The following SUPT3H variants were observed in gnomAD, a reference collection of about 807,000 sequenced individuals.
SUPT3H encodes the protein SPT3 homolog, SAGA and STAGA complex component, also known as transcription initiation protein SPT3 homolog.
Under a neutral mutation model 44.3 loss-of-function variants are expected in SUPT3H, and 44 were observed. The observed-to-expected ratio is 0.99, with a 90% confidence interval of 0.78 to 1.28. The LOEUF is 1.28. Among genes scored for constraint, SUPT3H ranks in the 50% most tolerant of loss-of-function variants. SUPT3H has a pLI of 0.00. For missense variants in SUPT3H, 380 were observed against 387.1 expected (o/e 0.98, Z 0.15); for synonymous variants, 124 against 125.6 (o/e 0.99, Z 0.09).
rs1784977017 is a variant in SUPT3H, at chr6:45,020,530, A to C, written c.273+16T>G. ...CAAAACGTGGATTTTAATACAATAA[A>C]ATTATGTTATATTACCTTATCTTTG... is the stretch of plus-strand genomic sequence containing the variant. On this transcript the variant is annotated intron_variant, in intron 4 of 10. Coordinates refer to ENST00000371459, the MANE Select transcript of SUPT3H (RefSeq NM_003599.4). 6.3e-7 allele frequency: 1 copy of C among 1,593,952 alleles called. No individual in the cohort carries two copies. Among genetic ancestry groups the C allele is most frequent in the East Asian group, 2.2e-5 (1 of 44,586 alleles).
chr6:45,287,098 C>G (rs1350471205), intron 2 of SUPT3H, among the ~76,000 whole-genome samples: 2 of 151,666 alleles, frequency 1.3e-5, no homozygotes, highest in Admixed American at 6.6e-5. Flanking sequence ...GTTGTGGGGT[C>G]GGAGGAGAGG....
At chr6:44,922,474 A>G (rs1438136999) in intron 10 of SUPT3H, among the ~76,000 whole-genome samples, 4 of 152,202 alleles carry the variant, frequency 2.6e-5, no homozygotes, top group Admixed American at 2.6e-4. Flanking sequence ...TATTTAAGAA[A>G]TCACCAAAAA....
At chr6:45,123,238 C>A (rs1446274608) in intron 2 of SUPT3H, among the ~76,000 whole-genome samples, 1 of 152,064 alleles carries the variant, frequency 6.6e-6, no homozygotes, top group Non-Finnish European at 1.5e-5. Flanking sequence ...TAGTACATAC[C>A]ACACTGGTAA....
intron 2 of SUPT3H, among the ~76,000 whole-genome samples, chr6:45,316,235 G>T (rs1005975725): frequency 7.9e-5 from 12 of 151,950 alleles, no homozygotes; most frequent in Admixed American, 3.9e-4. Flanking sequence ...TATACTGCTC[G>T]GGTGATGGGT....
At chr6:45,206,412 G>C (rs981015119) in intron 2 of SUPT3H, among the ~76,000 whole-genome samples, 1 of 152,060 alleles carries the variant, frequency 6.6e-6, no homozygotes, top group Non-Finnish European at 1.5e-5. Context: ...TCTAGCAGAA[G>C]GTGAGGGCAA....
At chr6:45,086,435 A>T (rs1051993234) in intron 3 of SUPT3H, among the ~76,000 whole-genome samples, 3 of 152,016 alleles carry the variant, frequency 2.0e-5, no homozygotes, top group Admixed American at 2.0e-4. Flanking sequence ...ATTAGAAATA[A>T]CTCAATCATG....
intron 2 of SUPT3H, among the ~76,000 whole-genome samples, chr6:45,276,457 T>C (rs1055501152): frequency 1.1e-4 from 16 of 152,190 alleles, no homozygotes; most frequent in African/African-American, 2.7e-4. Context: ...GTCTGTGAGA[T>C]AGATTACAAT....
chr6:44,909,453 T>C (rs1766670278), intron 10 of SUPT3H, among the ~76,000 whole-genome samples: 1 of 152,186 alleles, frequency 6.6e-6, no homozygotes, highest in Non-Finnish European at 1.5e-5. Context: ...ACCTCTGATT[T>C]TGATTTTTAA....
chr6:45,176,056 A>C (rs1214488847), intron 2 of SUPT3H, among the ~76,000 whole-genome samples: 2 of 152,174 alleles, frequency 1.3e-5, no homozygotes, highest in African/African-American at 2.4e-5. Context: ...TTAAAACTAT[A>C]TCTTGGGGGG....
intron 11 of SUPT3H, among the ~76,000 whole-genome samples, chr6:44,812,787 G>A (rs1468093928): frequency 2.0e-5 from 3 of 152,178 alleles, no homozygotes; most frequent in African/African-American, 7.2e-5. Context: ...CAGTATCACT[G>A]GGCTGGGGAA....
downstream of SUPT3H, among the ~76,000 whole-genome samples, chr6:44,825,680 CAT>C (rs1452263190): frequency 6.6e-6 from 1 of 152,244 alleles, no homozygotes; most frequent in African/African-American, 2.4e-5. Flanking sequence ...ATTATTATGT[CAT>C]AGCTTATTAA....
At chr6:44,942,452 G>A (rs966414685) in intron 9 of SUPT3H, among the ~76,000 whole-genome samples, 16 of 152,140 alleles carry the variant, frequency 1.1e-4, no homozygotes, top group African/African-American at 3.9e-4. Flanking sequence ...GTAGAGGAGT[G>A]GCTAACATAT....
chr6:44,888,121 C>G (rs1290492240), intron 10 of SUPT3H, among the ~76,000 whole-genome samples: 1 of 152,138 alleles, frequency 6.6e-6, no homozygotes, highest in Non-Finnish European at 1.5e-5. Context: ...TGGCAATAAT[C>G]AATGGCTTAC....
At chr6:44,959,046 G>A (rs1282110520) in intron 7 of SUPT3H, among the ~76,000 whole-genome samples, 1 of 151,582 alleles carries the variant, frequency 6.6e-6, no homozygotes, top group African/African-American at 2.4e-5. Context: ...TGGCTTGTTT[G>A]TTTGTTTGTT....
Position 45,235,504 on chromosome 6 carries a change from A to G in SUPT3H, c.102-129498T>C, listed in dbSNP as rs535743399. Reference sequence around the variant, plus strand: ...TGATAACTTTATATTTACAGGATATATACATGTGTGTGTGTGTACCTGAGA... The same window carrying G: ...TGATAACTTTATATTTACAGGATATGTACATGTGTGTGTGTGTACCTGAGA... On this transcript the variant is annotated intron_variant, in intron 2 of 10. Coordinates refer to ENST00000371459, the MANE Select transcript of SUPT3H (RefSeq NM_003599.4). Among the ~76,000 whole-genome samples the G allele has an allele frequency of 9.2e-5, 14 of 152,170 alleles. No homozygotes were observed. The South Asian group carries it at 2.9e-3, about 32-fold the overall frequency.
At chr6:44,954,783 C>T (rs1774866457) in intron 7 of SUPT3H, among the ~76,000 whole-genome samples, 176 bp from the exon 8 acceptor site, 1 of 152,170 alleles carries the variant, frequency 6.6e-6, no homozygotes, top group South Asian at 2.1e-4. Context: ...AGTTTTAACT[C>T]TCAGTTATAA....
At chr6:45,094,247 A>G (rs1370555601) in intron 3 of SUPT3H, among the ~76,000 whole-genome samples, 1 of 152,154 alleles carries the variant, frequency 6.6e-6, no homozygotes, top group Non-Finnish European at 1.5e-5. Context: ...ACTTAGCTTA[A>G]GTCAGGGGAT....
At chr6:45,112,886 G>A (rs1800276347) in intron 2 of SUPT3H, among the ~76,000 whole-genome samples, 1 of 151,844 alleles carries the variant, frequency 6.6e-6, no homozygotes, top group Non-Finnish European at 1.5e-5. Flanking sequence ...ACTTCCCACT[G>A]GCTACAGACT....
intron 10 of SUPT3H, among the ~76,000 whole-genome samples, chr6:44,887,407 T>A (rs536798483): frequency 6.6e-6 from 1 of 152,120 alleles, no homozygotes; most frequent in East Asian, 1.9e-4. Context: ...ACAGAAATTA[T>A]AACAAACTGT....
Sources: gnomAD v4.1 joint callset for allele counts (sites outside exome capture counted in the v4.1 genomes callset) on GRCh38, gnomAD v4.1.1 for gene constraint, MANE v1.5 for transcripts, NCBI Gene and HGNC (gene_info 2026-07-23, HGNC 2026-07-21) for gene names.